Variants in TRDN observed in about 807,000 individuals in gnomAD.
TRDN encodes triadin.
TRDN carries 161 observed loss-of-function variants against 149.7 expected under a neutral mutation model. That is an observed-to-expected ratio of 1.08 (90% confidence interval 0.95 to 1.23). The LOEUF (loss-of-function observed/expected upper bound fraction) is 1.23. Among genes scored for constraint, TRDN ranks in the 50% most tolerant of loss-of-function variants. The pLI is 0.00. For missense variants in TRDN, 896 were observed against 823.5 expected, an observed-to-expected ratio of 1.09 and a Z score of -1.08; for synonymous variants, 294 against 250.5, an observed-to-expected ratio of 1.17 and a Z score of -1.64.
At chr6:123,474,564 A>T (rs944320122) in intron 9 of TRDN, among the ~76,000 whole-genome samples, 2 of 152,194 alleles carry the variant, frequency 1.3e-5, no homozygotes, top group Non-Finnish European at 2.9e-5. Flanking sequence ...TCAGCTCTGC[A>T]CCAAGCCGAC....
intron 8 of TRDN, among the ~76,000 whole-genome samples, chr6:123,499,727 T>A (rs929948910): frequency 0.024 from 1,147 of 47,796 alleles, 22 homozygotes; most frequent in Non-Finnish European, 0.033. Flanking sequence ...AAAATATATA[T>A]ATATATATAT....
At chr6:123,271,690 T>A (rs3910127) in intron 29 of TRDN, among the ~76,000 whole-genome samples, 90,696 of 151,702 alleles carry the variant, frequency 0.6, 27,553 homozygotes, top group Admixed American at 0.67. Context: ...TTTTTCATAG[T>A]CAAAGATGTT....
At chr6:123,350,950 A>G (rs1780439717) in intron 21 of TRDN, 15 of 985,080 alleles carry the variant, frequency 1.5e-5, no homozygotes, top group Non-Finnish European at 1.7e-5. Flanking sequence ...AGGAGACATT[A>G]TAAAATTAAT....
At chr6:123,316,286 T>C (rs1445115787) in intron 24 of TRDN, among the ~76,000 whole-genome samples, 171 bp downstream of exon 24, 1 of 151,922 alleles carries the variant, frequency 6.6e-6, no homozygotes, top group African/African-American at 2.4e-5. Flanking sequence ...AGCATACATT[T>C]AGTTTTATTG....
chr6:123,316,368 T>TCCAG (rs1779021353), intron 24 of TRDN, 89 bp downstream of exon 24: 2 of 1,259,026 alleles, frequency 1.6e-6, no homozygotes, highest in South Asian at 2.5e-5. Context: ...AAATATTTTA[T>TCCAG]CCAGCCAGGA....
At chr6:123,315,787 C>T (rs1320862953) in intron 24 of TRDN, among the ~76,000 whole-genome samples, 1 of 151,772 alleles carries the variant, frequency 6.6e-6, no homozygotes, top group Non-Finnish European at 1.5e-5. Flanking sequence ...CTACATTTTC[C>T]CATATTCTAT....
chr6:123,394,109 A>G (rs1772623710), intron 12 of TRDN, among the ~76,000 whole-genome samples: 1 of 152,106 alleles, frequency 6.6e-6, no homozygotes, highest in Non-Finnish European at 1.5e-5. Context: ...AACCAATCCC[A>G]AGTTCAAGCC....
intron 13 of TRDN, among the ~76,000 whole-genome samples, chr6:123,390,987 A>G (rs1782090988): frequency 6.6e-6 from 1 of 152,030 alleles, no homozygotes; most frequent in South Asian, 2.1e-4. Context: ...TTTTAAGCCG[A>G]GTTCCATTAC....
chr6:123,438,714 A>T (rs988025541), intron 11 of TRDN, among the ~76,000 whole-genome samples: 3 of 152,178 alleles, frequency 2.0e-5, no homozygotes, highest in Non-Finnish European at 2.9e-5. Context: ...AAGAAAGAAA[A>T]AATAATCACA....
chr6:123,599,532 C>T (rs1784184990), intron 1 of TRDN, among the ~76,000 whole-genome samples: 1 of 151,788 alleles, frequency 6.6e-6, no homozygotes, highest in African/African-American at 2.4e-5. Flanking sequence ...CATTCACTAC[C>T]AATTGCAAAA....
At chr6:123,611,740 TATTCTTG>T (rs1784820574) in intron 1 of TRDN, among the ~76,000 whole-genome samples, 1 of 152,156 alleles carries the variant, frequency 6.6e-6, no homozygotes, top group Non-Finnish European at 1.5e-5. Context: ...TTTCACCAAA[TATTCTTG>T]ATACACAGAG....
intron 2 of TRDN, among the ~76,000 whole-genome samples, chr6:123,565,231 T>G (rs1235795434): frequency 6.6e-6 from 1 of 152,208 alleles, no homozygotes; most frequent in East Asian, 1.9e-4. Flanking sequence ...TGGCTGAGTC[T>G]GCAGAAGCTT....
intron 10 of TRDN, among the ~76,000 whole-genome samples, chr6:123,446,606 A>AAAAAAG (rs1775389201): frequency 2.1e-5 from 3 of 146,022 alleles, no homozygotes; most frequent in Non-Finnish European, 3.0e-5. Flanking sequence ...AAAAAAAAAA[A>AAAAAAG]AAAGAAGAGC....
chr6:123,371,284 C>T (rs1226961846), intron 19 of TRDN, among the ~76,000 whole-genome samples: 1 of 152,116 alleles, frequency 6.6e-6, no homozygotes, highest in Non-Finnish European at 1.5e-5. Flanking sequence ...CCAGCTATAT[C>T]AGCAACATTT....
At chr6:123,422,494 T>C (rs1454076904) in intron 12 of TRDN, among the ~76,000 whole-genome samples, 1 of 152,120 alleles carries the variant, frequency 6.6e-6, no homozygotes, top group Admixed American at 6.6e-5. Flanking sequence ...GAGAGAGCCA[T>C]GATAATACCC....
intron 24 of TRDN, among the ~76,000 whole-genome samples, chr6:123,292,480 C>A (rs903099521): frequency 6.6e-6 from 1 of 152,160 alleles, no homozygotes; most frequent in African/African-American, 2.4e-5. Context: ...TTCCCTTTTC[C>A]CTTTTGGAAT....
intron 1 of TRDN, among the ~76,000 whole-genome samples, chr6:123,588,821 GA>G (rs1783641910): frequency 6.6e-6 from 1 of 152,158 alleles, no homozygotes; most frequent in Admixed American, 6.5e-5. Flanking sequence ...AATGTTTAAA[GA>G]AATGCTGTAA....
chr6:123,510,075 T>TTA (rs1779104462), intron 7 of TRDN: 1 of 152,194 alleles, frequency 6.6e-6, no homozygotes, highest in Non-Finnish European at 1.5e-5. Flanking sequence ...AAAACAAATT[T>TTA]TATATATATA....
chr6:123,339,496 A>C (rs896783335), intron 21 of TRDN, among the ~76,000 whole-genome samples: 3 of 152,200 alleles, frequency 2.0e-5, no homozygotes, highest in African/African-American at 7.2e-5. Context: ...ACGCCCAAAA[A>C]GGAAACATCC....
Sources: allele counts gnomAD v4.1 joint callset (sites outside exome capture counted in the v4.1 genomes callset), GRCh38; gene constraint gnomAD v4.1.1; transcripts MANE v1.5; gene names NCBI Gene and HGNC (gene_info 2026-07-23, HGNC 2026-07-21).